Variants in SV2C observed in about 807,000 individuals in gnomAD.
SV2C encodes solute carrier family 22 member B3.
SV2C carries 49 observed loss-of-function variants against 79.7 expected under a neutral mutation model. The observed-to-expected ratio is 0.61, with a 90% CI of 0.49 to 0.78. The LOEUF (loss-of-function observed/expected upper bound fraction) is 0.78, where lower values mean the gene tolerates loss of function less well. SV2C is among the 30% of genes least tolerant of loss of function. The probability of loss-of-function intolerance (pLI) is 0.00; values close to 1 mark genes in which losing one functional copy is unlikely to be tolerated. For missense variants in SV2C, 833 were observed against 912.9 expected (o/e 0.91, Z 1.13); for synonymous variants, 334 against 333.2 (o/e 1.00, Z -0.03).
the SV2C span, among the ~76,000 whole-genome samples, chr5:76,041,305 C>A: frequency 6.6e-6 from 1 of 152,210 alleles, no homozygotes; most frequent in Non-Finnish European, 1.5e-5. Flanking sequence ...ACAGTCAGCT[C>A]CTTCTCTTCT....
At chr5:76,175,819 TG>T (rs1743508259) in intron 2 of SV2C, among the ~76,000 whole-genome samples, 2 of 152,156 alleles carry the variant, frequency 1.3e-5, no homozygotes, top group Non-Finnish European at 2.9e-5. Context: ...CCAGCGTGTG[TG>T]TCCCCGAGAG....
At chr5:76,147,231 A>G (rs1347446155) in intron 2 of SV2C, among the ~76,000 whole-genome samples, 1 of 152,250 alleles carries the variant, frequency 6.6e-6, no homozygotes, top group African/African-American at 2.4e-5. Context: ...AAATTTTAAC[A>G]CAATACAAAA....
downstream of SV2C, among the ~76,000 whole-genome samples, chr5:76,335,878 C>G (rs1302201755): frequency 2.0e-5 from 3 of 152,240 alleles, no homozygotes; most frequent in Admixed American, 6.5e-5. Context: ...GCCTTTCCCC[C>G]CTTTCTATTC....
the SV2C span, among the ~76,000 whole-genome samples, chr5:75,977,174 G>A: frequency 6.6e-6 from 1 of 152,150 alleles, no homozygotes; most frequent in Admixed American, 6.5e-5. Flanking sequence ...CTCCTACCCT[G>A]TGTTCAACAG....
the SV2C span, among the ~76,000 whole-genome samples, chr5:76,019,538 G>T: frequency 6.6e-6 from 1 of 152,118 alleles, no homozygotes; most frequent in Non-Finnish European, 1.5e-5. Context: ...CAAGAGTATT[G>T]CTCACCTCTT....
At chr5:75,911,236 G>A in the SV2C span, 2 of 1,546,958 alleles carry the variant, frequency 1.3e-6, no homozygotes, top group Non-Finnish European at 1.8e-6. Flanking sequence ...CATTGGGAGT[G>A]GCAAGTCCCA....
chr5:75,925,743 A>G, the SV2C span, among the ~76,000 whole-genome samples: 3 of 125,646 alleles, frequency 2.4e-5, no homozygotes, highest in Non-Finnish European at 4.8e-5. Flanking sequence ...ATCTTAAAAG[A>G]TTTTTTTAAA....
At chr5:76,036,999 C>T in the SV2C span, among the ~76,000 whole-genome samples, 1 of 152,172 alleles carries the variant, frequency 6.6e-6, no homozygotes, top group Non-Finnish European at 1.5e-5. Flanking sequence ...TTCATTTCAT[C>T]TTCCATCACT....
chr5:75,963,658 TACTC>T, the SV2C span, among the ~76,000 whole-genome samples: 2 of 152,172 alleles, frequency 1.3e-5, no homozygotes, highest in Admixed American at 1.3e-4. Flanking sequence ...TAATTCATCT[TACTC>T]AGTACTTGAT....
intron 1 of SV2C, among the ~76,000 whole-genome samples, chr5:76,129,405 T>C (rs116291246): frequency 1.1e-3 from 171 of 150,796 alleles, no homozygotes; most frequent in African/African-American, 4.2e-3. Flanking sequence ...AGAGAACTTA[T>C]ATGTGCACAT....
the SV2C span, among the ~76,000 whole-genome samples, chr5:75,859,684 C>G: frequency 0.041 from 6,167 of 152,124 alleles, 201 homozygotes; most frequent in African/African-American, 0.094. Flanking sequence ...ACAGGTTGCT[C>G]GGGGAAATAA....
intron 12 of SV2C, among the ~76,000 whole-genome samples, chr5:76,304,469 TAGAATACA>T (rs1306518779): frequency 9.2e-5 from 14 of 152,350 alleles, no homozygotes; most frequent in Non-Finnish European, 1.5e-5. Flanking sequence ...GGAGGCAGGA[TAGAATACA>T]AGAATACAGG....
chr5:76,192,463 CAGAG>C (rs1208521448), intron 2 of SV2C, among the ~76,000 whole-genome samples: 1 of 152,140 alleles, frequency 6.6e-6, no homozygotes, highest in Non-Finnish European at 1.5e-5. Context: ...TCTCAAGGCA[CAGAG>C]AGAGAGAAGG....
chr5:76,339,756 C>T (rs1749405190), intron 12 of SV2C, among the ~76,000 whole-genome samples: 1 of 152,052 alleles, frequency 6.6e-6, no homozygotes, highest in Admixed American at 6.6e-5. Flanking sequence ...ATTTCTCCTC[C>T]ACTTCCCACA....
rs375649761 is a variant in SV2C at position 76,344,478 on chromosome 5, G to A, written c.2001-8652G>A. ...AATCCCAACACTTTGGGAGGCCAAG[G>A]CGGGCGGATCACCGGAGGTCAGGAG... On this transcript the variant is annotated intron_variant, in intron 12 of 12. Transcript: ENST00000322285. Among the ~76,000 whole-genome samples, 92 of 152,330 alleles carry A rather than the reference G, an allele frequency of 6.0e-4. 1 individual carries two copies. In the East Asian group the frequency reaches 7.9e-3, roughly 13 times the overall value.
At chr5:75,899,157 T>C in the SV2C span, among the ~76,000 whole-genome samples, 3 of 152,208 alleles carry the variant, frequency 2.0e-5, no homozygotes, top group South Asian at 2.1e-4. Context: ...TTAATTGCAA[T>C]GTTAGGGTGT....
chr5:75,971,604 A>C, the SV2C span, among the ~76,000 whole-genome samples: 1 of 152,128 alleles, frequency 6.6e-6, no homozygotes, highest in African/African-American at 2.4e-5. Flanking sequence ...CATACCTAGG[A>C]ATCTAACTTA....
At chr5:75,997,276 T>A in the SV2C span, among the ~76,000 whole-genome samples, 10 of 152,288 alleles carry the variant, frequency 6.6e-5, no homozygotes, top group East Asian at 1.9e-3. Context: ...GATGTAGGCA[T>A]GGGCAAGGAC....
the SV2C span, among the ~76,000 whole-genome samples, chr5:75,891,181 CAGGGA>C: frequency 6.6e-6 from 1 of 152,122 alleles, no homozygotes; most frequent in African/African-American, 2.4e-5. Context: ...GGATGGAAAC[CAGGGA>C]CTTTGAGACT....
Sources: gnomAD v4.1 joint callset for allele counts (sites outside exome capture counted in the v4.1 genomes callset) on GRCh38, gnomAD v4.1.1 for gene constraint, MANE v1.5 for transcripts, NCBI Gene and HGNC (gene_info 2026-07-23, HGNC 2026-07-21) for gene names.